ATP1B2: variants seen among roughly 807,000 people sequenced by gnomAD.
ATP1B2 encodes the protein sodium/potassium-transporting ATPase subunit beta-2.
A neutral mutation model predicts 37.3 loss-of-function variants in ATP1B2; 12 were observed. The observed-to-expected ratio is 0.32, with a 90% confidence interval of 0.21 to 0.52. The LOEUF (loss-of-function observed/expected upper bound fraction) is 0.52, where lower values mean the gene tolerates loss of function less well. Among genes scored for constraint, ATP1B2 ranks in the 20% least tolerant of loss-of-function variants. ATP1B2 has a pLI of 0.96. For missense variants in ATP1B2, 324 were observed against 391.6 expected, an observed-to-expected ratio of 0.83 and a Z score of 1.46; for synonymous variants, 139 against 140.5, an observed-to-expected ratio of 0.99 and a Z score of 0.07.
Position 7,656,869 on chromosome 17 carries a change from G to A in ATP1B2, c.*974G>A, listed in dbSNP as rs944464254. ...TTTTTTTGCATTTTTTAGTAGAGATGGGGGTTTCTCCTTGTTGGTCAGGCT... is the reference window on the plus strand; with the variant it reads ...TTTTTTTGCATTTTTTAGTAGAGATAGGGGTTTCTCCTTGTTGGTCAGGCT... On this transcript the variant is annotated 3_prime_UTR_variant, in exon 7 of 7. Transcript: ENST00000250111. 1 of 143,678 alleles carries A rather than the reference G, an allele frequency of 7.0e-6. No homozygotes were observed. The highest frequency in any genetic ancestry group is 1.5e-5 in the Non-Finnish European group (1 of 66,264). 8.9% of individuals were successfully genotyped at this position (143,678 alleles called of 1,614,324 possible).
chr17:7,655,320 C>T lies in ATP1B2; in HGVS notation c.610-207C>T. On this transcript the variant is annotated intron_variant, in intron 5 of 6. Coordinates refer to ENST00000250111, the MANE Select transcript of ATP1B2 (RefSeq NM_001678.5). This position sits in a 1 kb window ranked among gnomAD's most constrained non-coding sequence, Gnocchi z 4.4. ...TGCCATTAGCAGCCTTCAGGAGTTC[C>T]TAGAATGATGACAGGGACAGACCAT... 1.7e-6 allele frequency: 1 copy of T among 600,666 alleles called. No homozygotes were observed. The highest frequency in any genetic ancestry group is 2.9e-6 in the Non-Finnish European group (1 of 338,992). The allele number at this position is 600,666 out of a possible 1,614,324, so 37.2% of individuals were successfully genotyped here. A position where few individuals can be genotyped will look rare whatever the true frequency, so the allele number is the denominator to read the frequency against.
In ATP1B2 at chr17:7,655,201, A is replaced by C; in HGVS notation, c.610-326A>C. 2.4e-6 allele frequency: 1 copy of C among 413,700 alleles called. No homozygotes were observed. The highest frequency in any genetic ancestry group is 4.4e-6 in the Non-Finnish European group (1 of 228,560). The allele number at this position is 413,700 out of a possible 1,614,324, so 25.6% of individuals were successfully genotyped here. ...CTTCCTTGCTTCCTATTCAACCCTT[A>C]ATCATGTATCTCTTCTTTCTTGGCT... On this transcript the variant is annotated intron_variant, in intron 5 of 6. Coordinates refer to ENST00000250111, the MANE Select transcript of ATP1B2 (RefSeq NM_001678.5). The surrounding 1 kb of genome is among the most constrained non-coding windows in gnomAD (Gnocchi z 4.4).
rs2072655582 is a variant in ATP1B2, at chr17:7,656,699, C to G, written c.*804C>G. On this transcript the variant is annotated 3_prime_UTR_variant, in exon 7 of 7. Coordinates refer to ENST00000250111, the MANE Select transcript of ATP1B2 (RefSeq NM_001678.5). ...GAGATGGAGTTTCGCTCTTGTTGCC[C>G]AGGCTGGAGTGCAATGGTGCAATCT... is the stretch of plus-strand genomic sequence containing the variant. The G allele has an allele frequency of 6.5e-6, 1 of 152,798 alleles. No homozygotes were observed. Among genetic ancestry groups the G allele is most frequent in the African/African-American group, 2.4e-5 (1 of 41,450 alleles). The allele number at this position is 152,798 out of a possible 1,614,324, so 9.5% of individuals were successfully genotyped here.
intron 1 of ATP1B2, among the ~76,000 whole-genome samples, chr17:7,652,211 C>CG (rs1466784313): frequency 6.6e-6 from 1 of 152,020 alleles, no homozygotes; most frequent in Non-Finnish European, 1.5e-5. Context: ...GCTCCCATGT[C>CG]GGTGACGGAG....
At chr17:7,653,604 C>G (rs2072628245) in intron 2 of ATP1B2, 102 bp downstream of exon 2, 1 of 1,518,160 alleles carries the variant, frequency 6.6e-7, no homozygotes, top group Non-Finnish European at 8.9e-7. Context: ...ATTTTGATGA[C>G]CCAATCCCCA....
At position 7,654,945 on chromosome 17, in the gene ATP1B2, C is replaced by T. The variant is rs1321316598; in HGVS notation, c.609+261C>T. The T allele has an allele frequency of 4.1e-6, 2 of 490,678 alleles. No homozygotes were observed. The highest frequency in any genetic ancestry group is 1.9e-5 in the African/African-American group (1 of 51,518). The allele number at this position is 490,678 out of a possible 1,614,324, so 30.4% of individuals were successfully genotyped here. A position where few individuals can be genotyped will look rare whatever the true frequency, so the allele number is the denominator to read the frequency against. On this transcript the variant is annotated intron_variant, in intron 5 of 6. Transcript: ENST00000250111. The surrounding 1 kb of genome is among the most constrained non-coding windows in gnomAD (Gnocchi z 4.9). ...GACACACGCCCTCCTCCACCAACGC[C>T]CTGGCCTCTGGCTTCTCTCCCTAAC... is the stretch of plus-strand genomic sequence containing the variant.
chr17:7,656,058 T>C lies in ATP1B2; in HGVS notation c.*163T>C. 1 of 949,254 alleles carries C rather than the reference T, an allele frequency of 1.1e-6. No individual in the cohort carries two copies. The highest frequency in any genetic ancestry group is 1.5e-6 in the Non-Finnish European group (1 of 652,400). The allele number at this position is 949,254 out of a possible 1,614,324, so 58.8% of individuals were successfully genotyped here. ...CTTGACTTCTCAACCCAGCCTGAAG[T>C]CCATTGCGGTTCCGTCACTCGCCTT... is the stretch of plus-strand genomic sequence containing the variant. On this transcript the variant is annotated 3_prime_UTR_variant, in exon 7 of 7. Coordinates refer to ENST00000250111, the MANE Select transcript of ATP1B2 (RefSeq NM_001678.5).
Position 7,654,785 on chromosome 17 carries a change from C to T in ATP1B2, c.609+101C>T, listed in dbSNP as rs763105493. ...CACCTGTCTCTCCCTATCTTCTTTG[C>T]TCCTAGAGGCCCCATCACCATAGAA... On this transcript the variant is annotated intron_variant, in intron 5 of 6. Transcript: ENST00000250111. The surrounding 1 kb of genome is among the most constrained non-coding windows in gnomAD (Gnocchi z 4.9). 5.8e-6 allele frequency: 8 copies of T among 1,373,530 alleles called. No homozygotes were observed. The highest frequency in any genetic ancestry group is 8.3e-6 in the Non-Finnish European group (8 of 967,724). 85.1% of individuals were successfully genotyped at this position (1,373,530 alleles called of 1,614,324 possible).
chr17:7,646,630 T>C (rs1172929118), upstream of ATP1B2: 1 of 152,220 alleles, frequency 6.6e-6, no homozygotes, highest in African/African-American at 2.4e-5. Context: ...GCGTTCCAGA[T>C]GCAACATGGA....
At position 7,657,570 on chromosome 17, in the gene ATP1B2, C is replaced by T. The variant is rs1440847296; in HGVS notation, c.*1675C>T. Reference sequence around the variant, plus strand: ...TTTTTTTAATGCTGCAGCCTCCACACTCCACCCACAGGTGGACCCTTCCCT... The same window carrying T: ...TTTTTTTAATGCTGCAGCCTCCACATTCCACCCACAGGTGGACCCTTCCCT... On this transcript the variant is annotated 3_prime_UTR_variant, in exon 7 of 7. Transcript: ENST00000250111. 1 of 152,396 alleles carries T rather than the reference C, an allele frequency of 6.6e-6. No individual in the cohort carries two copies. Among genetic ancestry groups the T allele is most frequent in the Non-Finnish European group, 1.5e-5 (1 of 68,028 alleles). The allele number at this position is 152,396 out of a possible 1,614,324, so 9.4% of individuals were successfully genotyped here.
At position 7,654,003 on chromosome 17, in the gene ATP1B2, T is replaced by C; in HGVS notation, c.347-49T>C. On this transcript the variant is annotated intron_variant, in intron 3 of 6. Coordinates refer to ENST00000250111, the MANE Select transcript of ATP1B2 (RefSeq NM_001678.5). The surrounding 1 kb of genome is among the most constrained non-coding windows in gnomAD (Gnocchi z 4.9). ...GACTTCGGGCAGGGGACTGGGGACCTTGGAAGTGGAACATCTGGCCCCTGA... is the reference window on the plus strand; with the variant it reads ...GACTTCGGGCAGGGGACTGGGGACCCTGGAAGTGGAACATCTGGCCCCTGA... The C allele has an allele frequency of 1.2e-6, 2 of 1,612,970 alleles. No homozygotes were observed. Among genetic ancestry groups the C allele is most frequent in the South Asian group, 2.2e-5 (2 of 91,054 alleles).
At chr17:7,650,379 G>T (rs1179437372), upstream of ATP1B2, among the ~76,000 whole-genome samples, 1 of 152,120 alleles carries the variant, frequency 6.6e-6, no homozygotes, top group Non-Finnish European at 1.5e-5. Context: ...GAGGCGTCTG[G>T]GGGACTGGTA....
At chr17:7,653,342 G>A (rs1567532106) in intron 1 of ATP1B2, 32 bp from the exon 2 acceptor site, 1 of 1,613,230 alleles carries the variant, frequency 6.2e-7, no homozygotes, top group Non-Finnish European at 8.5e-7. Flanking sequence ...TGGGAACCTT[G>A]GGCCCTGCTG....
intron 1 of ATP1B2, 123 bp from the exon 2 acceptor site, chr17:7,653,251 C>A: frequency 7.0e-7 from 1 of 1,429,970 alleles, no homozygotes; most frequent in Non-Finnish European, 9.5e-7. Flanking sequence ...GGCTCTAAGA[C>A]ATCCCTGTGG....
chr17:7,651,482 C>T lies in ATP1B2; in HGVS notation c.-37C>T. 1 of 1,541,392 alleles carries T rather than the reference C, an allele frequency of 6.5e-7. No individual in the cohort carries two copies. Among genetic ancestry groups the T allele is most frequent in the Non-Finnish European group, 8.8e-7 (1 of 1,138,154 alleles). On this transcript the variant is annotated 5_prime_UTR_variant, in exon 1 of 7. Coordinates refer to ENST00000250111, the MANE Select transcript of ATP1B2 (RefSeq NM_001678.5). ...GCGGCGCCCCCGCTTCTCCGCAACC[C>T]CCCGCCCCGCGCCCGGACTCGCCCC...
chr17:7,651,675 G>T (rs370043639), intron 1 of ATP1B2, 45 bp downstream of exon 1: 2 of 1,514,942 alleles, frequency 1.3e-6, no homozygotes, highest in South Asian at 1.2e-5. Flanking sequence ...GCCGCGGGGC[G>T]ACGCCTCGGG....
At chr17:7,650,737 G>T (rs2072604872), upstream of ATP1B2, among the ~76,000 whole-genome samples, 1 of 152,088 alleles carries the variant, frequency 6.6e-6, no homozygotes. Context: ...AGTACCTGGG[G>T]TGGGGGTAAT....
Position 7,656,303 on chromosome 17 carries a change from G to A in ATP1B2, c.*408G>A, listed in dbSNP as rs569346964. On this transcript the variant is annotated 3_prime_UTR_variant, in exon 7 of 7. Coordinates refer to ENST00000250111, the MANE Select transcript of ATP1B2 (RefSeq NM_001678.5). ...ACAAACGTGCACACGCGTCTCATTT[G>A]ACCCCTTTGCTTCCAGAGATGAATG... 1.6e-4 allele frequency: 26 copies of A among 164,554 alleles called. No individual in the cohort carries two copies. In the Admixed American group the frequency reaches 2.2e-3, roughly 14 times the overall value. The allele number at this position is 164,554 out of a possible 1,614,324, so 10.2% of individuals were successfully genotyped here.
chr17:7,647,714 G>C (rs2072583116), upstream of ATP1B2, among the ~76,000 whole-genome samples: 1 of 151,930 alleles, frequency 6.6e-6, no homozygotes, highest in Non-Finnish European at 1.5e-5. Flanking sequence ...AGCTACTCAG[G>C]AGGCTGAGGC....
Sources: allele counts gnomAD v4.1 joint callset (sites outside exome capture counted in the v4.1 genomes callset), GRCh38; gene constraint gnomAD v4.1.1; non-coding constraint Gnocchi (gnomAD v3.1); transcripts MANE v1.5; gene names NCBI Gene and HGNC (gene_info 2026-07-23, HGNC 2026-07-21).